The following SLC29A1 variants were observed in gnomAD, a reference collection of about 807,000 sequenced individuals.
The protein encoded by SLC29A1 is equilibrative nucleoside transporter 1.
A neutral mutation model predicts 48.3 loss-of-function variants in SLC29A1; 22 were observed. The ratio of observed to expected loss-of-function variants is 0.46; its 90% CI spans 0.33 to 0.65. SLC29A1 has a LOEUF of 0.65. SLC29A1 is among the 30% of genes least tolerant of loss of function. The pLI is 0.03. For synonymous variants in SLC29A1, 228 were observed against 231.0 expected (o/e 0.99, Z 0.12); for missense variants, 491 against 575.3 (o/e 0.85, Z 1.50).
At chr6:44,227,438 G>A in intron 2 of SLC29A1, 96 bp downstream of exon 2, 1 of 1,102,104 alleles carries the variant, frequency 9.1e-7, no homozygotes, top group Non-Finnish European at 1.4e-6. Context: ...ATTGCTGGCT[G>A]GCCTTCCAGC....
chr6:44,230,300 A>T (rs1307763201), intron 5 of SLC29A1, 47 bp from the exon 6 acceptor site: 2 of 1,588,788 alleles, frequency 1.3e-6, no homozygotes, highest in Admixed American at 3.4e-5. Context: ...GGGCACCCCC[A>T]ACCACCAGCC....
In SLC29A1 at chr6:44,232,561, T is replaced by G; in HGVS notation, c.1059+133T>G. 1 of 678,940 alleles carries G rather than the reference T, an allele frequency of 1.5e-6. No homozygotes were observed. Among genetic ancestry groups the G allele is most frequent in the Admixed American group, 2.8e-5 (1 of 36,116 alleles). The allele number at this position is 678,940 out of a possible 1,614,324, so 42.1% of individuals were successfully genotyped here. On this transcript the variant is annotated intron_variant, in intron 11 of 12. Coordinates refer to ENST00000371755, the MANE Select transcript of SLC29A1 (RefSeq NM_001372327.1). This position sits in a 1 kb window ranked among gnomAD's most constrained non-coding sequence, Gnocchi z 4.7. The stretch of plus-strand genomic sequence containing the variant: ...AGTCGAGGCATAATTTATGTATAGT[T>G]AAGTACAAGTCTTAAGTGTACAACT...
In SLC29A1 at chr6:44,232,697, C is replaced by G; in HGVS notation, c.1060-110C>G. On this transcript the variant is annotated intron_variant, in intron 11 of 12. Coordinates refer to ENST00000371755, the MANE Select transcript of SLC29A1 (RefSeq NM_001372327.1). The surrounding 1 kb of genome is among the most constrained non-coding windows in gnomAD (Gnocchi z 4.7). ...TCAAGAGTAACCCCCTAAGGAGAACCAGGCTTTGAGGTTTCAGTTCAGATC... is the reference window on the plus strand; with the variant it reads ...TCAAGAGTAACCCCCTAAGGAGAACGAGGCTTTGAGGTTTCAGTTCAGATC... 9.9e-7 allele frequency: 1 copy of G among 1,008,044 alleles called. No homozygotes were observed. The highest frequency in any genetic ancestry group is 1.5e-6 in the Non-Finnish European group (1 of 667,598). The allele number at this position is 1,008,044 out of a possible 1,614,324, so 62.4% of individuals were successfully genotyped here.
In SLC29A1 at chr6:44,223,962, A is replaced by G. The variant is rs1776854409; in HGVS notation, c.-52+321A>G. The G allele has an allele frequency of 2.0e-6, 2 of 986,172 alleles. No individual in the cohort carries two copies. The highest frequency in any genetic ancestry group is 2.4e-6 in the Non-Finnish European group (2 of 830,620). The allele number at this position is 986,172 out of a possible 1,614,324, so 61.1% of individuals were successfully genotyped here. A position where few individuals can be genotyped will look rare whatever the true frequency, so the allele number is the denominator to read the frequency against. On this transcript the variant is annotated intron_variant, in intron 1 of 12. Transcript: ENST00000371755. The surrounding 1 kb of genome is among the most constrained non-coding windows in gnomAD (Gnocchi z 5.0). ...GGTGATCCCCATCGATCTGGTCGGT[A>G]TCAGGGAGGGGCCGTGCCGCTGACT...
At chr6:44,227,236 G>A in intron 1 of SLC29A1, 27 bp from the exon 2 acceptor site, 1 of 1,604,378 alleles carries the variant, frequency 6.2e-7, no homozygotes, top group Non-Finnish European at 8.5e-7. Context: ...CCAAGACAGG[G>A]CCTCACACTG....
Position 44,223,840 on chromosome 6 carries a change from C to T in SLC29A1, c.-52+199C>T. The stretch of plus-strand genomic sequence containing the variant: ...CGGGCCAGGGAGCCTGAGGACCCTG[C>T]GGGGACCGGGACCCAAGCTGGGCGG... On this transcript the variant is annotated intron_variant, in intron 1 of 12. Coordinates refer to ENST00000371755, the MANE Select transcript of SLC29A1 (RefSeq NM_001372327.1). This position sits in a 1 kb window ranked among gnomAD's most constrained non-coding sequence, Gnocchi z 5.0. 1.0e-6 allele frequency: 1 copy of T among 998,816 alleles called. No individual in the cohort carries two copies. The allele number at this position is 998,816 out of a possible 1,614,324, so 61.9% of individuals were successfully genotyped here.
chr6:44,229,752 T>C lies in SLC29A1; in HGVS notation c.275T>C (p.Leu92Pro). ...ATGACCCTATGTGCCATGCTGCCCCTGCTGTTATTCACCTACCTCAACTCC... is the reference window on the plus strand; with the variant it reads ...ATGACCCTATGTGCCATGCTGCCCCCGCTGTTATTCACCTACCTCAACTCC... Reference protein sequence around the residue: ...NVMTLCAMLPLLLFTYLNSFL... With the variant: ...NVMTLCAMLPPLLFTYLNSFL... The change falls in exon 4 of 13, where the codon CTG becomes CCG. Residue 92 changes from leucine to proline, a missense_variant. Transcript: ENST00000371755. The surrounding 1 kb of genome is among the most constrained non-coding windows in gnomAD (Gnocchi z 5.1). 1 of 1,613,906 alleles carries C rather than the reference T, an allele frequency of 6.2e-7. No homozygotes were observed. Among genetic ancestry groups the C allele is most frequent in the East Asian group, 2.2e-5 (1 of 44,874 alleles).
At chr6:44,225,522 AAAG>A (rs1777319627) in intron 1 of SLC29A1, among the ~76,000 whole-genome samples, 1 of 151,968 alleles carries the variant, frequency 6.6e-6, no homozygotes, top group Admixed American at 6.6e-5. Flanking sequence ...AAAAAAAAAA[AAAG>A]AAAAAATCTG....
upstream of SLC29A1, among the ~76,000 whole-genome samples, chr6:44,221,375 TTCCAGCAAACACACA>T (rs1387336372): frequency 6.6e-6 from 1 of 152,294 alleles, no homozygotes; most frequent in East Asian, 1.9e-4. The surrounding 1 kb of genome is among the most constrained non-coding windows in gnomAD (Gnocchi z 4.2). Context: ...GCAAACACAC[TTCCAGCAAACACACA>T]TGACTTGTTG....
upstream of SLC29A1, among the ~76,000 whole-genome samples, chr6:44,220,037 A>T (rs911934758): frequency 2.0e-5 from 3 of 152,222 alleles, no homozygotes; most frequent in African/African-American, 7.2e-5. Flanking sequence ...GGTAGGGGGA[A>T]GAGGTCTGGA....
In SLC29A1 at chr6:44,229,842, G is replaced by T; in HGVS notation, c.314+51G>T. On this transcript the variant is annotated intron_variant, in intron 4 of 12. Coordinates refer to ENST00000371755, the MANE Select transcript of SLC29A1 (RefSeq NM_001372327.1). This position sits in a 1 kb window ranked among gnomAD's most constrained non-coding sequence, Gnocchi z 5.1. ...CCCAGCCTGACCCTCACTGTGTCCTGCACCCCCTTGGCTGAGCCCCAGCTT... is the reference window on the plus strand; with the variant it reads ...CCCAGCCTGACCCTCACTGTGTCCTTCACCCCCTTGGCTGAGCCCCAGCTT... The T allele has an allele frequency of 6.2e-7, 1 of 1,607,920 alleles. No individual in the cohort carries two copies.
At chr6:44,231,916 G>A (rs1049567925) in intron 9 of SLC29A1, 82 bp from the exon 10 acceptor site, 34 of 1,046,062 alleles carry the variant, frequency 3.3e-5, no homozygotes, top group Non-Finnish European at 4.9e-5. Context: ...GAGCCACCAC[G>A]CCTGGCCTGG....
At chr6:44,227,120 C>T (rs1049469312) in intron 1 of SLC29A1, 143 bp from the exon 2 acceptor site, 1 of 1,408,140 alleles carries the variant, frequency 7.1e-7, no homozygotes, top group Non-Finnish European at 9.3e-7. Context: ...GTTGAGTCGT[C>T]CTGAGGGGCA....
chr6:44,228,707 T>TG (rs1778144668), intron 2 of SLC29A1, among the ~76,000 whole-genome samples: 1 of 152,228 alleles, frequency 6.6e-6, no homozygotes, highest in Non-Finnish European at 1.5e-5. Flanking sequence ...GTATAGGGCT[T>TG]GGGGCATTGC....
rs750072045 is a variant in SLC29A1 at position 44,230,876 on chromosome 6, C to T, written c.753C>T (p.Asp251=). Reference sequence around the variant, plus strand: ...CCGGGGAGCAGGAGACCAAGTTGGACCTCATTAGCAAAGGTCCGAAGAGCC... The same window carrying T: ...CCGGGGAGCAGGAGACCAAGTTGGATCTCATTAGCAAAGGTCCGAAGAGCC... ...EGPGEQETKL[D]LISKGEEPRA... is the part of the protein sequence containing the mutation. The change falls in exon 8 of 13, where the codon GAC becomes GAT. Residue 251 remains aspartate (D), a synonymous_variant. Transcript: ENST00000371755. 8.7e-6 allele frequency: 14 copies of T among 1,613,762 alleles called. No homozygotes were observed. In the Middle Eastern group the frequency reaches 4.9e-4, roughly 57 times the overall value.
rs1779203960 is a variant in SLC29A1, at chr6:44,232,836, C to G, written c.1089C>G (p.Ser363Arg). Residue 363 changes from serine (S) to arginine (R), a missense_variant, in exon 12 of 13, where the codon AGC becomes AGG. Coordinates refer to ENST00000371755, the MANE Select transcript of SLC29A1 (RefSeq NM_001372327.1). The surrounding 1 kb of genome is among the most constrained non-coding windows in gnomAD (Gnocchi z 4.7). ...WPGKDSRWLPSLVLARLVFVP... is the reference protein window; with the variant it reads ...WPGKDSRWLPRLVLARLVFVP... The stretch of plus-strand genomic sequence containing the variant: ...GGAAGGACAGCCGCTGGCTGCCAAG[C>G]CTGGTGCTGGCCCGGCTGGTGTTTG... 1.2e-6 allele frequency: 2 copies of G among 1,613,074 alleles called. No homozygotes were observed.
At chr6:44,225,853 G>A (rs2128342397) in intron 1 of SLC29A1, 1 of 152,290 alleles carries the variant, frequency 6.6e-6, no homozygotes, top group Non-Finnish European at 1.5e-5. Context: ...TCTGAGTGGG[G>A]CCAGAAGCAA....
rs199804310 is a variant in SLC29A1, at chr6:44,230,899, G to T, written c.766+10G>T. The T allele has an allele frequency of 4.7e-5, 76 of 1,609,886 alleles. 2 individuals are homozygous for T. In the South Asian group the frequency reaches 8.4e-4, roughly 18 times the overall value. On this transcript the variant is annotated intron_variant, in intron 8 of 12. Coordinates refer to ENST00000371755, the MANE Select transcript of SLC29A1 (RefSeq NM_001372327.1). ...GACCTCATTAGCAAAGGTCCGAAGA[G>T]CCTGAGGAAGCTGGGGTGGAGGATG... is the stretch of plus-strand genomic sequence containing the variant.
chr6:44,224,421 T>C (rs1886884), intron 1 of SLC29A1, among the ~76,000 whole-genome samples: 68,891 of 151,568 alleles, frequency 0.45, 16,099 homozygotes, highest in East Asian at 0.63. Flanking sequence ...GGAATGATCT[T>C]GGTCTCCACC....
Sources: allele counts gnomAD v4.1 joint callset (sites outside exome capture counted in the v4.1 genomes callset), GRCh38; gene constraint gnomAD v4.1.1; non-coding constraint Gnocchi (gnomAD v3.1); transcripts MANE v1.5; gene names NCBI Gene and HGNC (gene_info 2026-07-23, HGNC 2026-07-21).